Variants in VPS13D observed in about 807,000 individuals in gnomAD.
VPS13D encodes vacuolar protein sorting 13 homolog D.
Under a neutral mutation model 461.9 loss-of-function variants are expected in VPS13D, and 187 were observed. The observed-to-expected ratio is 0.40, with a 90% CI of 0.36 to 0.46. The LOEUF (loss-of-function observed/expected upper bound fraction) is 0.46. Among genes scored for constraint, VPS13D ranks in the 20% least tolerant of loss-of-function variants. The pLI, the probability that VPS13D is intolerant of heterozygous loss-of-function variation, is 0.60. For synonymous variants in VPS13D, 1,951 were observed against 1,986.3 expected, an observed-to-expected ratio of 0.98 and a Z score of 0.47; for missense variants, 4,711 against 5,364.9, an observed-to-expected ratio of 0.88 and a Z score of 3.81.
At chr1:12,491,087 A>T (rs886376187) in intron 67 of VPS13D, among the ~76,000 whole-genome samples, 4 of 152,200 alleles carry the variant, frequency 2.6e-5, no homozygotes, top group African/African-American at 4.8e-5. Flanking sequence ...GGTAGTCTGG[A>T]TTGACCTTCG....
At chr1:12,399,114 A>G (rs1489354525) in intron 60 of VPS13D, among the ~76,000 whole-genome samples, 1 of 152,172 alleles carries the variant, frequency 6.6e-6, no homozygotes, top group Non-Finnish European at 1.5e-5. Context: ...CGCACATAGT[A>G]TCACCTGTTT....
chr1:12,258,483 A>G (rs1210221668), intron 10 of VPS13D, among the ~76,000 whole-genome samples: 5 of 152,226 alleles, frequency 3.3e-5, no homozygotes, highest in South Asian at 2.1e-4. Flanking sequence ...TACGTTTTCT[A>G]TAATCCCAGT....
In VPS13D at chr1:12,261,919, A is replaced by T; in HGVS notation, c.1433A>T (p.Asp478Val). The T allele has an allele frequency of 6.2e-7, 1 of 1,607,878 alleles. No individual in the cohort carries two copies. The highest frequency in any genetic ancestry group is 1.1e-5 in the South Asian group (1 of 89,926). ...EEILGTEEFF[D>V]PTADASCMNT... Reference sequence around the variant, plus strand: ...CATTTAGGCACTGAGGAGTTTTTTGACCCCACTGCAGATGCCTCGTGTATG... The same window carrying T: ...CATTTAGGCACTGAGGAGTTTTTTGTCCCCACTGCAGATGCCTCGTGTATG... The change falls in exon 13 of 70, where the codon GAC becomes GTC. Residue 478 changes from aspartate (D) to valine (V), a missense_variant. Transcript: ENST00000620676.
chr1:12,236,333 A>T (rs1454970270), intron 2 of VPS13D, among the ~76,000 whole-genome samples: 1 of 152,116 alleles, frequency 6.6e-6, no homozygotes, highest in Non-Finnish European at 1.5e-5. Context: ...TCTCTGACAC[A>T]GTTAAGCAGT....
At position 12,502,724 on chromosome 1, in the gene VPS13D, G is replaced by A. The variant is rs537547375; in HGVS notation, c.12795-4129G>A. Among the ~76,000 whole-genome samples the A allele has an allele frequency of 2.9e-4, 44 of 152,192 alleles. No homozygotes were observed. The highest frequency in any genetic ancestry group is 6.5e-4 in the Admixed American group (10 of 15,296). ...GCAGATTTCTCCCTGAGAGAAGCTG[G>A]TCATGAGTCTGTTTTCCATGTGGCC... On this transcript the variant is annotated intron_variant, in intron 68 of 69. Coordinates refer to ENST00000620676, the MANE Select transcript of VPS13D (RefSeq NM_015378.4). This position sits in a 1 kb window ranked among gnomAD's most constrained non-coding sequence, Gnocchi z 4.3.
chr1:12,297,473 T>C (rs1388177817), intron 24 of VPS13D, among the ~76,000 whole-genome samples: 1 of 152,222 alleles, frequency 6.6e-6, no homozygotes, highest in Non-Finnish European at 1.5e-5. Flanking sequence ...GGGACAAATA[T>C]CTTGAGTGGG....
rs534950246 is a variant in VPS13D at position 12,401,800 on chromosome 1, T to G, written c.11881+96T>G. On this transcript the variant is annotated intron_variant, in intron 62 of 69. Transcript: ENST00000620676. ...AAATAGGTAGCCCCTTGGTGTCTGA[T>G]AGGCTCCCTTTCCACATCTCAGCCT... 1.1e-5 allele frequency: 10 copies of G among 932,088 alleles called. No homozygotes were observed. The South Asian group carries it at 1.5e-4, about 14-fold the overall frequency. The allele number at this position is 932,088 out of a possible 1,614,324, so 57.7% of individuals were successfully genotyped here.
chr1:12,402,872 G>T (rs779501232), intron 62 of VPS13D, among the ~76,000 whole-genome samples: 1 of 152,194 alleles, frequency 6.6e-6, no homozygotes, highest in Non-Finnish European at 1.5e-5. Context: ...AGCTGACTAA[G>T]GGGTTGCTTC....
chr1:12,301,814 C>A (rs1257415596), intron 25 of VPS13D, among the ~76,000 whole-genome samples: 1 of 152,198 alleles, frequency 6.6e-6, no homozygotes, highest in East Asian at 1.9e-4. Flanking sequence ...CACCAGTTAT[C>A]TCGTTAACAT....
At chr1:12,383,288 G>T (rs1051524744) in intron 58 of VPS13D, 133 bp downstream of exon 58, 2 of 936,962 alleles carry the variant, frequency 2.1e-6, no homozygotes, top group African/African-American at 1.7e-5. Flanking sequence ...TGTAAAATGG[G>T]GATAGGATCT....
chr1:12,332,209 C>A (rs1643349943), intron 37 of VPS13D, among the ~76,000 whole-genome samples: 1 of 152,176 alleles, frequency 6.6e-6, no homozygotes, highest in South Asian at 2.1e-4. Flanking sequence ...TAGGTCTGTA[C>A]CGTAGAGACT....
At chr1:12,250,402 C>T (rs976413773) in intron 6 of VPS13D, among the ~76,000 whole-genome samples, 10 of 152,168 alleles carry the variant, frequency 6.6e-5, no homozygotes, top group Admixed American at 2.6e-4. Context: ...CAATGACACT[C>T]CTGTCAGGAA....
At chr1:12,356,336 A>G in intron 48 of VPS13D, 62 bp from the exon 49 acceptor site, 4 of 1,548,770 alleles carry the variant, frequency 2.6e-6, no homozygotes, top group Non-Finnish European at 3.5e-6. Flanking sequence ...TTCATTCACC[A>G]TTTGCATCTC....
rs1023542179 is a variant in VPS13D, at chr1:12,495,664, A to G, written c.12663-1836A>G. 7.9e-5 allele frequency among the ~76,000 whole-genome samples: 12 copies of G among 152,172 alleles called. No homozygotes were observed. Among genetic ancestry groups the G allele is most frequent in the South Asian group, 6.2e-4 (3 of 4,822 alleles). On this transcript the variant is annotated intron_variant, in intron 67 of 69. Transcript: ENST00000620676. The surrounding 1 kb of genome is among the most constrained non-coding windows in gnomAD (Gnocchi z 4.0). ...CAGGCCTCCCAGTTGATTGGGGAAG[A>G]TATGTTGAGACGAGTCTGAATCAAA...
chr1:12,445,016 G>A (rs945929751), intron 65 of VPS13D, among the ~76,000 whole-genome samples: 1 of 152,158 alleles, frequency 6.6e-6, no homozygotes, highest in Admixed American at 6.5e-5. Flanking sequence ...AGAGGGACTT[G>A]TATTTTTGAA....
chr1:12,373,566 G>A (rs1197597024), intron 54 of VPS13D, among the ~76,000 whole-genome samples, 184 bp from the exon 55 acceptor site: 2 of 151,632 alleles, frequency 1.3e-5, no homozygotes, highest in African/African-American at 4.8e-5. Flanking sequence ...AACTGTGTAG[G>A]GAAAAAAATG....
intron 53 of VPS13D, 124 bp downstream of exon 53, chr1:12,368,715 G>T: frequency 1.7e-6 from 2 of 1,174,014 alleles, no homozygotes; most frequent in Non-Finnish European, 2.3e-6. Context: ...ATATGGATAG[G>T]TTCTTTATAT....
At chr1:12,381,882 A>G (rs1644276286) in intron 57 of VPS13D, among the ~76,000 whole-genome samples, 1 of 151,678 alleles carries the variant, frequency 6.6e-6, no homozygotes, top group South Asian at 2.1e-4. Context: ...AATTCGGCTG[A>G]AGTCAGTCAG....
intron 2 of VPS13D, among the ~76,000 whole-genome samples, chr1:12,235,137 A>G (rs544880352): frequency 6.6e-6 from 1 of 152,356 alleles, no homozygotes; most frequent in Admixed American, 6.5e-5. Context: ...ATCATAGGAA[A>G]TGGGAAGGAG....
Sources: gnomAD v4.1 joint callset for allele counts (sites outside exome capture counted in the v4.1 genomes callset) on GRCh38, gnomAD v4.1.1 for gene constraint, Gnocchi (gnomAD v3.1) non-coding constraint, MANE v1.5 for transcripts, NCBI Gene and HGNC (gene_info 2026-07-23, HGNC 2026-07-21) for gene names.